Variants in CALN1 observed in about 807,000 individuals in gnomAD.
CALN1 encodes the protein calcium-binding protein 8.
A neutral mutation model predicts 30.6 loss-of-function variants in CALN1; 17 were observed. The ratio of observed to expected loss-of-function variants is 0.56; its 90% CI spans 0.38 to 0.83. CALN1 has a LOEUF of 0.83. Ranked by LOEUF, CALN1 falls within the 40% of genes least tolerant of loss-of-function variation. CALN1 has a pLI of 0.00. For missense variants in CALN1, 291 were observed against 354.9 expected, an observed-to-expected ratio of 0.82 and a Z score of 1.45; for synonymous variants, 156 against 131.4, an observed-to-expected ratio of 1.19 and a Z score of -1.28.
intron 4 of CALN1, among the ~76,000 whole-genome samples, chr7:72,061,003 C>T (rs776841128): frequency 7.9e-5 from 12 of 152,202 alleles, no homozygotes; most frequent in African/African-American, 2.9e-4. Flanking sequence ...AAATACTACA[C>T]AGCTCCCAGA....
intron 5 of CALN1, among the ~76,000 whole-genome samples, chr7:71,817,781 T>C (rs2116284608): frequency 6.6e-6 from 1 of 152,322 alleles, no homozygotes; most frequent in South Asian, 2.1e-4. Flanking sequence ...CCCAAAGAGC[T>C]GGGATTACAG....
chr7:72,279,182 A>G (rs1797564382), intron 2 of CALN1, among the ~76,000 whole-genome samples: 1 of 152,162 alleles, frequency 6.6e-6, no homozygotes, highest in African/African-American at 2.4e-5. Flanking sequence ...GTAAGGAAGG[A>G]CTGAGAATCC....
chr7:72,247,830 C>CA (rs1795293396), intron 3 of CALN1, among the ~76,000 whole-genome samples: 1 of 151,988 alleles, frequency 6.6e-6, no homozygotes, highest in Non-Finnish European at 1.5e-5. Flanking sequence ...CCCATCTCTA[C>CA]AAAAAATTTA....
intron 2 of CALN1, among the ~76,000 whole-genome samples, chr7:72,368,825 TTTTTTTTG>T (rs1804041149): frequency 6.8e-6 from 1 of 147,252 alleles, no homozygotes; most frequent in African/African-American, 2.5e-5. Flanking sequence ...TTTTTTTTTT[TTTTTTTTG>T]AGACAGAATC....
At chr7:72,230,331 A>C (rs1274708646) in intron 3 of CALN1, among the ~76,000 whole-genome samples, 7 of 117,112 alleles carry the variant, frequency 6.0e-5, no homozygotes, top group Non-Finnish European at 8.6e-5. Flanking sequence ...CTCTGTCTCT[A>C]CAATAGATAC....
chr7:72,068,324 A>C (rs1804164477), intron 4 of CALN1, among the ~76,000 whole-genome samples: 2 of 152,186 alleles, frequency 1.3e-5, no homozygotes, highest in African/African-American at 4.8e-5. Flanking sequence ...AGAAGGTTCT[A>C]ATATTTTCTT....
At chr7:71,806,727 C>A (rs182019947) in intron 6 of CALN1, among the ~76,000 whole-genome samples, 9 of 152,242 alleles carry the variant, frequency 5.9e-5, no homozygotes, top group Admixed American at 5.2e-4. Flanking sequence ...AGGACCCCCC[C>A]CCAGGGAGCT....
intron 5 of CALN1, among the ~76,000 whole-genome samples, chr7:72,008,335 T>C (rs1489119292): frequency 6.6e-6 from 1 of 151,984 alleles, no homozygotes; most frequent in South Asian, 2.1e-4. Context: ...ATAGACCATA[T>C]AGTAAGTGAT....
intron 5 of CALN1, among the ~76,000 whole-genome samples, chr7:71,960,100 T>G (rs188780552): frequency 1.3e-3 from 193 of 150,254 alleles, no homozygotes; most frequent in African/African-American, 4.4e-3. Flanking sequence ...ACCACTGCAC[T>G]CCAGCCTGGG....
At chr7:71,796,143 A>G (rs1248952991) in intron 6 of CALN1, among the ~76,000 whole-genome samples, 1 of 151,414 alleles carries the variant, frequency 6.6e-6, no homozygotes, top group African/African-American at 2.4e-5. Flanking sequence ...CCTTTTTATG[A>G]CCGGATAATA....
chr7:71,838,214 A>G (rs1789734243), intron 5 of CALN1, among the ~76,000 whole-genome samples: 1 of 152,230 alleles, frequency 6.6e-6, no homozygotes, highest in Non-Finnish European at 1.5e-5. Flanking sequence ...GATTTCCCCA[A>G]CTGGAAATGA....
intron 4 of CALN1, among the ~76,000 whole-genome samples, chr7:72,024,127 A>G (rs576218084): frequency 6.6e-6 from 1 of 152,264 alleles, no homozygotes; most frequent in East Asian, 1.9e-4. Context: ...CTCTTCCACC[A>G]TCCTTGTCAC....
intron 5 of CALN1, among the ~76,000 whole-genome samples, chr7:72,022,119 C>T (rs983936293): frequency 9.9e-5 from 15 of 152,210 alleles, no homozygotes; most frequent in African/African-American, 3.6e-4. Context: ...TCTTTCTTTG[C>T]ATTTAATTCC....
chr7:72,037,979 G>C (rs1375775095), intron 4 of CALN1, among the ~76,000 whole-genome samples: 1 of 152,180 alleles, frequency 6.6e-6, no homozygotes, highest in Non-Finnish European at 1.5e-5. Flanking sequence ...TGGAGGAACA[G>C]GATACTGGAC....
intron 3 of CALN1, among the ~76,000 whole-genome samples, chr7:72,229,592 C>A (rs1793935318): frequency 6.6e-6 from 1 of 151,996 alleles, no homozygotes; most frequent in Non-Finnish European, 1.5e-5. Flanking sequence ...CCATGGAATA[C>A]TATGCAGCCA....
chr7:72,406,352 A>G (rs935162282), intron 1 of CALN1, among the ~76,000 whole-genome samples: 1 of 152,156 alleles, frequency 6.6e-6, no homozygotes, highest in Non-Finnish European at 1.5e-5. Context: ...GCACCTCCTG[A>G]GTCCTCACAG....
At chr7:72,196,877 C>G (rs745336678) in intron 3 of CALN1, among the ~76,000 whole-genome samples, 2 of 152,146 alleles carry the variant, frequency 1.3e-5, no homozygotes. Context: ...CACTTGAACC[C>G]AAGACAACTA....
intron 2 of CALN1, among the ~76,000 whole-genome samples, chr7:72,396,021 G>C: frequency 6.6e-6 from 1 of 151,920 alleles, no homozygotes; most frequent in Non-Finnish European, 1.5e-5. Context: ...CGCTCCTTCT[G>C]CTCTGACACT....
At chr7:72,439,636 G>C (rs1808287515) in intron 1 of CALN1, among the ~76,000 whole-genome samples, 2 of 147,970 alleles carry the variant, frequency 1.4e-5, no homozygotes, top group African/African-American at 2.5e-5. Flanking sequence ...GGAGTGCAAT[G>C]GCGCAATCTC....
Sources: gnomAD v4.1 joint callset for allele counts (sites outside exome capture counted in the v4.1 genomes callset) on GRCh38, gnomAD v4.1.1 for gene constraint, MANE v1.5 for transcripts, NCBI Gene and HGNC (gene_info 2026-07-23, HGNC 2026-07-21) for gene names.